The following GPD1L variants were observed in gnomAD, a reference collection of about 807,000 sequenced individuals.
GPD1L encodes the protein glycerol-3-phosphate dehydrogenase 1 like.
Under a neutral mutation model 32.9 loss-of-function variants are expected in GPD1L, and 17 were observed. That is an observed-to-expected ratio of 0.52 (90% CI 0.35 to 0.78). The LOEUF (loss-of-function observed/expected upper bound fraction) is 0.78, where lower values mean the gene tolerates loss of function less well. GPD1L is among the 30% of genes least tolerant of loss of function. The pLI is 0.01. For missense variants in GPD1L, 361 were observed against 447.8 expected (o/e 0.81, Z 1.75); for synonymous variants, 187 against 165.9 (o/e 1.13, Z -0.98).
rs764691105 is a variant in GPD1L at position 32,159,095 on chromosome 3, G to A, written c.838G>A (p.Ala280Thr). Residue 280 changes from alanine to threonine, a missense_variant, in exon 6 of 8, where the codon GCC (alanine) becomes ACC (threonine). Coordinates refer to ENST00000282541, the MANE Select transcript of GPD1L (RefSeq NM_015141.4). The part of the protein sequence containing the change: ...GRNRRVAEAF[A>T]RTGKTIEELE... ...GAACCGCAGGGTGGCCGAGGCCTTCGCCAGAACTGGGAAGGTAGCCCCTCA... is the reference window on the plus strand; with the variant it reads ...GAACCGCAGGGTGGCCGAGGCCTTCACCAGAACTGGGAAGGTAGCCCCTCA... 3.4e-5 allele frequency: 55 copies of A among 1,613,092 alleles called. No homozygotes were observed. The highest frequency in any genetic ancestry group is 1.6e-4 in the South Asian group (15 of 91,074).
intron 1 of GPD1L, among the ~76,000 whole-genome samples, chr3:32,117,211 C>T (rs1700344588): frequency 2.0e-5 from 3 of 152,142 alleles, no homozygotes. Context: ...TTTGTTTAAT[C>T]AGTTTCCTCT....
chr3:32,152,832 A>C (rs1700938052), intron 5 of GPD1L, among the ~76,000 whole-genome samples: 1 of 127,752 alleles, frequency 7.8e-6, no homozygotes, highest in Admixed American at 7.4e-5. Context: ...TAAAAAAAGA[A>C]GAAAGAAAGA....
rs1197242968 is a variant in GPD1L, at chr3:32,162,479, G to A, written c.959+2805G>A. On this transcript the variant is annotated intron_variant, in intron 7 of 7. Coordinates refer to ENST00000282541, the MANE Select transcript of GPD1L (RefSeq NM_015141.4). ...CGGCTCACTGCAAGCTCCGCTTCCC[G>A]GGTTCAAGCCATTCTCCTGCCTCAG... 4.4e-5 allele frequency among the ~76,000 whole-genome samples: 3 copies of A among 68,686 alleles called. 1 individual carries two copies. Among genetic ancestry groups the A allele is most frequent in the East Asian group, 1.6e-3 (2 of 1,264 alleles). 45.1% of individuals were successfully genotyped at this position (68,686 alleles called of 152,430 possible). A position where few individuals can be genotyped will look rare whatever the true frequency, so the allele number is the denominator to read the frequency against.
chr3:32,108,488 T>G (rs946177061), intron 1 of GPD1L, among the ~76,000 whole-genome samples: 5 of 152,062 alleles, frequency 3.3e-5, no homozygotes, highest in African/African-American at 9.7e-5. Flanking sequence ...CTCTAGTCTG[T>G]GTGAAGGGAG....
rs774028756 is a variant in GPD1L at position 32,159,075 on chromosome 3, G to T, written c.818G>T (p.Arg273Leu). Residue 273 changes from arginine (R) to leucine (L), a missense_variant, in exon 6 of 8, where the codon CGC (arginine) becomes CTC (leucine). Arg to Leu is a moderately radical substitution (Grantham distance 102). Transcript: ENST00000282541. Reference sequence around the variant, plus strand: ...ACCACCTGTTACGGAGGGCGGAACCGCAGGGTGGCCGAGGCCTTCGCCAGA... The same window carrying T: ...ACCACCTGTTACGGAGGGCGGAACCTCAGGGTGGCCGAGGCCTTCGCCAGA... Reference protein sequence around the residue: ...LITTCYGGRNRRVAEAFARTG... With the variant: ...LITTCYGGRNLRVAEAFARTG... The T allele has an allele frequency of 1.9e-6, 3 of 1,613,704 alleles. No homozygotes were observed. The highest frequency in any genetic ancestry group is 2.5e-6 in the Non-Finnish European group (3 of 1,179,982).
intron 1 of GPD1L, among the ~76,000 whole-genome samples, chr3:32,121,626 ATATATATTTC>A (rs1230901790): frequency 9.1e-6 from 1 of 109,992 alleles, no homozygotes. Context: ...TATATATATT[ATATATATTTC>A]TATATATATA....
At chr3:32,155,255 G>A (rs1376145147) in intron 5 of GPD1L, among the ~76,000 whole-genome samples, 1 of 152,142 alleles carries the variant, frequency 6.6e-6, no homozygotes, top group Admixed American at 6.6e-5. Context: ...TTCTCAGTGG[G>A]CCACTAAACC....
chr3:32,136,863 A>G (rs547876974), intron 2 of GPD1L, among the ~76,000 whole-genome samples: 2 of 152,228 alleles, frequency 1.3e-5, no homozygotes, highest in Admixed American at 6.5e-5. Context: ...GGGGGAAGAG[A>G]AAGTGTAGAG....
chr3:32,140,507 G>A lies in GPD1L; in HGVS notation c.505+141G>A, dbSNP rs982520937. ...TTAGTTGGGCATTCAGTGGGGCGAG[G>A]GTTTTACTTAAGGAGGCTATTTTGT... On this transcript the variant is annotated intron_variant, in intron 4 of 7. Transcript: ENST00000282541. The A allele has an allele frequency of 5.2e-6, 5 of 958,432 alleles. No homozygotes were observed. In the African/African-American group the frequency reaches 6.5e-5, roughly 12 times the overall value. 59.4% of individuals were successfully genotyped at this position (958,432 alleles called of 1,614,324 possible). A position where few individuals can be genotyped will look rare whatever the true frequency, so the allele number is the denominator to read the frequency against.
At chr3:32,143,457 A>G (rs1209743811) in intron 4 of GPD1L, among the ~76,000 whole-genome samples, 1 of 152,202 alleles carries the variant, frequency 6.6e-6, no homozygotes, top group Non-Finnish European at 1.5e-5. Flanking sequence ...TTATAAAACA[A>G]CAGGCCAATG....
intron 1 of GPD1L, among the ~76,000 whole-genome samples, chr3:32,121,723 CTATA>C (rs1228642198): frequency 8.5e-6 from 1 of 117,340 alleles, no homozygotes; most frequent in Non-Finnish European, 1.6e-5. Flanking sequence ...ACATATATTT[CTATA>C]TATATATTTC....
chr3:32,158,417 G>A (rs1701023658), intron 5 of GPD1L: 1 of 213,248 alleles, frequency 4.7e-6, no homozygotes, highest in East Asian at 1.2e-4. Context: ...CTGAAGCACT[G>A]GCTGTGCTTT....
At position 32,138,598 on chromosome 3, in the gene GPD1L, A is replaced by G. The variant is rs750846725; in HGVS notation, c.237A>G (p.Ser79=). Residue 79 remains serine, a synonymous_variant, in exon 3 of 8, where the codon TCA becomes TCG. Transcript: ENST00000282541. Reference sequence around the variant, plus strand: ...CCTTTTGGTTGCAGGTTGCCATGTCAAATCTTAGCGAGGCTGTGCAGGATG... The same window carrying G: ...CCTTTTGGTTGCAGGTTGCCATGTCGAATCTTAGCGAGGCTGTGCAGGATG... The part of the protein sequence containing the change: ...HKLPENVVAM[S]NLSEAVQDAD... 6.2e-7 allele frequency: 1 copy of G among 1,614,084 alleles called. No homozygotes were observed. The highest frequency in any genetic ancestry group is 2.2e-5 in the East Asian group (1 of 44,886).
At chr3:32,121,690 TATATATTTATATATATATTTCTAC>T (rs1190400061) in intron 1 of GPD1L, among the ~76,000 whole-genome samples, 2,978 of 141,648 alleles carry the variant, frequency 0.021, 246 homozygotes, top group East Asian at 0.21. Flanking sequence ...TATTTCTATA[TATATATTTATATATATATTTCTAC>T]ATATATTTCT....
chr3:32,123,839 T>TAGATAGATAGACAGAC lies in GPD1L; in HGVS notation c.48-4234_48-4233insTAGATAGACAGACAGA, dbSNP rs58722314. ...ATAGATAGATAGATAGATAGATAGATAGACAGACAGATAAGACCCATGCCT... is the reference window on the plus strand; with the variant it reads ...ATAGATAGATAGATAGATAGATAGATAGATAGATAGACAGACAGACAGACAGATAAGACCCATGCCT... On this transcript the variant is annotated intron_variant, in intron 1 of 7. Transcript: ENST00000282541. Among the ~76,000 whole-genome samples the TAGATAGATAGACAGAC allele has an allele frequency of 5.0e-3, 669 of 134,550 alleles. 3 individuals are homozygous for TAGATAGATAGACAGAC. The highest frequency in any genetic ancestry group is 0.014 in the Middle Eastern group (4 of 278). 88.3% of individuals were successfully genotyped at this position (134,550 alleles called of 152,430 possible). A position where few individuals can be genotyped will look rare whatever the true frequency, so the allele number is the denominator to read the frequency against.
At position 32,154,381 on chromosome 3, in the gene GPD1L, A is replaced by G. The variant is rs142538232; in HGVS notation, c.619-4495A>G. On this transcript the variant is annotated intron_variant, in intron 5 of 7. Coordinates refer to ENST00000282541, the MANE Select transcript of GPD1L (RefSeq NM_015141.4). ...GTGGCTTTTCTGAGTACAGCAACAT[A>G]GAAACACTGCTTTGGAGCTCAGGGC... is the stretch of plus-strand genomic sequence containing the variant. Among the ~76,000 whole-genome samples the G allele has an allele frequency of 9.0e-3, 1,369 of 152,320 alleles. 14 individuals carry two copies. Among genetic ancestry groups the G allele is most frequent in the Non-Finnish European group, 0.014 (939 of 68,020 alleles).
chr3:32,155,845 G>A lies in GPD1L; in HGVS notation c.619-3031G>A, dbSNP rs190574826. On this transcript the variant is annotated intron_variant, in intron 5 of 7. Transcript: ENST00000282541. The stretch of plus-strand genomic sequence containing the variant: ...ATCTGAGGTGAAGATGGCCGGAGAG[G>A]TGGAGTGGTTGGCCTAGGTCACACT... Among the ~76,000 whole-genome samples the A allele has an allele frequency of 2.3e-4, 35 of 152,306 alleles. No individual in the cohort carries two copies. The East Asian group carries it at 6.2e-3, about 27-fold the overall frequency.
At chr3:32,120,968 G>T (rs982992956) in intron 1 of GPD1L, among the ~76,000 whole-genome samples, 1 of 152,110 alleles carries the variant, frequency 6.6e-6, no homozygotes, top group Admixed American at 6.5e-5. Flanking sequence ...CAAGCTGGGG[G>T]TTAGGACCTC....
chr3:32,147,423 C>A (rs2125491112), intron 5 of GPD1L, among the ~76,000 whole-genome samples: 1 of 151,844 alleles, frequency 6.6e-6, no homozygotes, highest in South Asian at 2.1e-4. Context: ...TCTTTTTTTC[C>A]CCTCTTTTGA....
Sources: gnomAD v4.1 joint callset for allele counts (sites outside exome capture counted in the v4.1 genomes callset) on GRCh38, gnomAD v4.1.1 for gene constraint, MANE v1.5 for transcripts, NCBI Gene and HGNC (gene_info 2026-07-23, HGNC 2026-07-21) for gene names.